The following IRAK1BP1 variants were observed in gnomAD, a reference collection of about 807,000 sequenced individuals.
The protein encoded by IRAK1BP1 is interleukin 1 receptor associated kinase 1 binding protein 1.
Under a neutral mutation model 28.0 loss-of-function variants are expected in IRAK1BP1, and 24 were observed. The ratio of observed to expected loss-of-function variants is 0.86; its 90% CI spans 0.62 to 1.20. The LOEUF is 1.20. Among genes scored for constraint, IRAK1BP1 ranks in the 50% most tolerant of loss-of-function variants. IRAK1BP1 has a pLI of 0.00. For synonymous variants in IRAK1BP1, 131 were observed against 116.3 expected, an observed-to-expected ratio of 1.13 and a Z score of -0.81; for missense variants, 336 against 316.7, an observed-to-expected ratio of 1.06 and a Z score of -0.46.
intron 2 of IRAK1BP1, among the ~76,000 whole-genome samples, chr6:78,887,534 C>T (rs542763585): frequency 2.0e-5 from 3 of 151,982 alleles, no homozygotes; most frequent in East Asian, 1.9e-4. Context: ...GGTGTGGTGG[C>T]GGGCGCCTGT....
intron 4 of IRAK1BP1, among the ~76,000 whole-genome samples, chr6:78,925,871 A>T (rs1772874249): frequency 6.6e-6 from 1 of 152,162 alleles, no homozygotes; most frequent in South Asian, 2.1e-4. Context: ...AATAAAGAAC[A>T]AAATTATGTC....
At chr6:78,974,615 C>T in the IRAK1BP1 span, among the ~76,000 whole-genome samples, 5 of 152,000 alleles carry the variant, frequency 3.3e-5, no homozygotes, top group South Asian at 6.2e-4. Flanking sequence ...TCAACAAAAT[C>T]GATAGACCGC....
Position 78,898,356 on chromosome 6 carries a change from T to C in IRAK1BP1, c.*22T>C, listed in dbSNP as rs772816235. The C allele has an allele frequency of 5.2e-6, 7 of 1,335,124 alleles. No homozygotes were observed. The South Asian group carries it at 9.2e-5, about 17-fold the overall frequency. 82.7% of individuals were successfully genotyped at this position (1,335,124 alleles called of 1,614,324 possible). On this transcript the variant is annotated 3_prime_UTR_variant, in exon 4 of 4. Coordinates refer to ENST00000369940, the MANE Select transcript of IRAK1BP1 (RefSeq NM_001010844.4). Reference sequence around the variant, plus strand: ...TTGAAATTCCAAACAAATTATATTGTACTTGTATCTTTTTACCTATTTTTA... The same window carrying C: ...TTGAAATTCCAAACAAATTATATTGCACTTGTATCTTTTTACCTATTTTTA...
intron 4 of IRAK1BP1, among the ~76,000 whole-genome samples, chr6:78,910,724 A>G (rs1013501327): frequency 1.3e-5 from 2 of 152,228 alleles, no homozygotes; most frequent in Admixed American, 6.5e-5. Flanking sequence ...CGGCGGCCGC[A>G]AGGACCGCGG....
At chr6:78,944,363 A>G (rs1319666657) in intron 4 of IRAK1BP1, among the ~76,000 whole-genome samples, 1 of 152,204 alleles carries the variant, frequency 6.6e-6, no homozygotes, top group Non-Finnish European at 1.5e-5. Flanking sequence ...GAGAAATAAA[A>G]AGATCGCTTT....
intron 4 of IRAK1BP1, among the ~76,000 whole-genome samples, chr6:78,918,720 C>A (rs1240454846): frequency 5.3e-5 from 8 of 152,060 alleles, no homozygotes; most frequent in Admixed American, 2.0e-4. Context: ...TACTTCTAGA[C>A]CTATAACAAG....
downstream of IRAK1BP1, among the ~76,000 whole-genome samples, chr6:78,903,572 A>T (rs1582030021): frequency 6.6e-6 from 1 of 152,108 alleles, no homozygotes; most frequent in Admixed American, 6.6e-5. Flanking sequence ...ACTAAAAATA[A>T]TTTACACACT....
chr6:78,902,915 CAAG>C lies in IRAK1BP1; in HGVS notation c.*4585_*4587del, dbSNP rs1476672998. On this transcript the variant is annotated 3_prime_UTR_variant, in exon 4 of 4. Transcript: ENST00000369940. ...AGAGGTAATATTAATAGAAATCTTT[CAAG>C]AAGGATTGTTTTCTACTATTAAAAC... is the stretch of plus-strand genomic sequence containing the variant. 7 of 744,684 alleles carry C rather than the reference CAAG, an allele frequency of 9.4e-6. No individual in the cohort carries two copies. The highest frequency in any genetic ancestry group is 7.9e-5 in the Admixed American group (3 of 38,008). The allele number at this position is 744,684 out of a possible 1,614,324, so 46.1% of individuals were successfully genotyped here.
chr6:78,978,830 A>G, the IRAK1BP1 span: 4 of 770,262 alleles, frequency 5.2e-6, no homozygotes, highest in Non-Finnish European at 6.0e-6. Flanking sequence ...CCATTGTACA[A>G]TATTATATAC....
At chr6:78,975,398 C>G in the IRAK1BP1 span, among the ~76,000 whole-genome samples, 899 of 152,326 alleles carry the variant, frequency 5.9e-3, 4 homozygotes, top group African/African-American at 0.02. Flanking sequence ...CTATCTATGA[C>G]AAACCCACAG....
chr6:78,915,109 C>T (rs749514096), intron 4 of IRAK1BP1, among the ~76,000 whole-genome samples: 58 of 152,090 alleles, frequency 3.8e-4, no homozygotes, highest in Admixed American at 4.6e-4. Flanking sequence ...TGTGAGCCAC[C>T]GCACCTGGCC....
intron 4 of IRAK1BP1, among the ~76,000 whole-genome samples, chr6:78,921,106 A>G (rs1396799638): frequency 1.3e-5 from 2 of 152,192 alleles, no homozygotes; most frequent in East Asian, 1.9e-4. Flanking sequence ...TGCACTGAAC[A>G]TGAGCCGAGC....
chr6:78,952,312 G>A, the IRAK1BP1 span, among the ~76,000 whole-genome samples: 96 of 151,540 alleles, frequency 6.3e-4, 1 homozygote, highest in South Asian at 8.1e-3. Flanking sequence ...CCAGCTACTC[G>A]TGAGGCCGAG....
intron 4 of IRAK1BP1, among the ~76,000 whole-genome samples, chr6:78,928,655 C>G (rs935055880): frequency 6.6e-6 from 1 of 152,020 alleles, no homozygotes; most frequent in Admixed American, 6.6e-5. Flanking sequence ...CTGTGGGTCT[C>G]TAATATATGG....
intron 4 of IRAK1BP1, among the ~76,000 whole-genome samples, chr6:78,925,518 T>A (rs1017971700): frequency 4.6e-5 from 7 of 152,076 alleles, no homozygotes; most frequent in African/African-American, 1.7e-4. Flanking sequence ...CAGTTCCTGT[T>A]AAAAAGTCAA....
intron 4 of IRAK1BP1, among the ~76,000 whole-genome samples, chr6:78,920,954 G>A (rs769978332): frequency 3.1e-4 from 47 of 152,152 alleles, no homozygotes; most frequent in Non-Finnish European, 6.3e-4. Context: ...GTGAAGCCAA[G>A]ATAGCCAAAT....
At chr6:78,945,334 G>A (rs769741723) in intron 4 of IRAK1BP1, 2 of 1,613,410 alleles carry the variant, frequency 1.2e-6, no homozygotes, top group Admixed American at 1.7e-5. Flanking sequence ...TTGAAAGAGT[G>A]GACGCCTTTG....
chr6:78,971,214 T>C, the IRAK1BP1 span, among the ~76,000 whole-genome samples: 1 of 152,216 alleles, frequency 6.6e-6, no homozygotes, highest in Non-Finnish European at 1.5e-5. Context: ...CCACTTTTGT[T>C]GTTAACTTTT....
intron 4 of IRAK1BP1, chr6:78,939,905 T>C (rs1386919917): frequency 1.3e-5 from 2 of 152,496 alleles, no homozygotes; most frequent in African/African-American, 4.8e-5. Flanking sequence ...CTTTCCAATA[T>C]TGAAAAGTGT....
Sources: allele counts gnomAD v4.1 joint callset (sites outside exome capture counted in the v4.1 genomes callset), GRCh38; gene constraint gnomAD v4.1.1; transcripts MANE v1.5; gene names NCBI Gene and HGNC (gene_info 2026-07-23, HGNC 2026-07-21).